The following UNC5D variants were observed in gnomAD, a reference collection of about 807,000 sequenced individuals.
UNC5D encodes the protein netrin receptor UNC5D.
UNC5D carries 39 observed loss-of-function variants against 105.4 expected under a neutral mutation model. That is an observed-to-expected ratio of 0.37 (90% confidence interval 0.29 to 0.48). The LOEUF is 0.48. UNC5D is among the 20% of genes least tolerant of loss of function. UNC5D has a pLI of 0.98. For synonymous variants in UNC5D, 452 were observed against 450.4 expected (o/e 1.00, Z -0.04); for missense variants, 991 against 1,202.4 (o/e 0.82, Z 2.60).
chr8:35,402,052 G>A (rs532878120), intron 1 of UNC5D, among the ~76,000 whole-genome samples: 12 of 152,264 alleles, frequency 7.9e-5, no homozygotes, highest in South Asian at 6.2e-4. Context: ...TTTCTGCTCC[G>A]TGTGGATCAC....
intron 1 of UNC5D, among the ~76,000 whole-genome samples, chr8:35,268,145 G>A (rs1029612220): frequency 1.3e-5 from 2 of 152,000 alleles, no homozygotes; most frequent in East Asian, 1.9e-4. Context: ...TATTATAAAT[G>A]TACTTTAATG....
intron 1 of UNC5D, among the ~76,000 whole-genome samples, chr8:35,324,658 C>T (rs1330365708): frequency 6.6e-6 from 1 of 152,062 alleles, no homozygotes; most frequent in Admixed American, 6.6e-5. Context: ...CAAGTAAAAT[C>T]TCAAAACTAA....
At chr8:35,474,540 C>G (rs1019492036) in intron 1 of UNC5D, among the ~76,000 whole-genome samples, 9 of 152,126 alleles carry the variant, frequency 5.9e-5, no homozygotes, top group African/African-American at 1.9e-4. Flanking sequence ...AGTTTGAACA[C>G]TTTAAATATT....
At chr8:35,291,225 A>C (rs1444061201) in intron 1 of UNC5D, among the ~76,000 whole-genome samples, 1 of 152,184 alleles carries the variant, frequency 6.6e-6, no homozygotes, top group African/African-American at 2.4e-5. Flanking sequence ...ACTAGTAAGG[A>C]AACAAACTGA....
At chr8:35,488,167 C>T (rs954733142) in intron 1 of UNC5D, among the ~76,000 whole-genome samples, 4 of 152,072 alleles carry the variant, frequency 2.6e-5, no homozygotes, top group African/African-American at 7.2e-5. Flanking sequence ...GCTGAGCAAC[C>T]GTTTGCTAAA....
At chr8:35,422,372 T>G (rs1805971308) in intron 1 of UNC5D, among the ~76,000 whole-genome samples, 1 of 152,206 alleles carries the variant, frequency 6.6e-6, no homozygotes, top group African/African-American at 2.4e-5. Context: ...GCCAAGTACA[T>G]TTGAATCAAT....
chr8:35,262,340 G>A (rs905806131), intron 1 of UNC5D, among the ~76,000 whole-genome samples: 17 of 152,248 alleles, frequency 1.1e-4, no homozygotes, highest in South Asian at 4.1e-4. Context: ...ATGGTCGGCC[G>A]AATAGATATT....
intron 1 of UNC5D, among the ~76,000 whole-genome samples, chr8:35,489,781 C>T (rs1811080048): frequency 1.3e-5 from 2 of 152,180 alleles, no homozygotes; most frequent in Admixed American, 1.3e-4. Context: ...TTCTACAAAA[C>T]ATGTAGCTTT....
intron 1 of UNC5D, among the ~76,000 whole-genome samples, chr8:35,446,718 C>T (rs563828532): frequency 6.6e-6 from 1 of 152,058 alleles, no homozygotes; most frequent in East Asian, 1.9e-4. Flanking sequence ...CAGTTAATTG[C>T]CCTTGGGTCT....
intron 4 of UNC5D, among the ~76,000 whole-genome samples, chr8:35,625,430 C>T (rs1299378797): frequency 6.6e-6 from 1 of 152,132 alleles, no homozygotes; most frequent in Non-Finnish European, 1.5e-5. Flanking sequence ...ATTGCAAACA[C>T]ATCAACAAAA....
chr8:35,526,091 T>C (rs1712934895), intron 1 of UNC5D, among the ~76,000 whole-genome samples: 1 of 152,238 alleles, frequency 6.6e-6, no homozygotes, highest in Non-Finnish European at 1.5e-5. Context: ...AACATGATTC[T>C]GTTCTAGTAG....
intron 1 of UNC5D, among the ~76,000 whole-genome samples, chr8:35,285,344 G>C (rs1806515690): frequency 6.6e-6 from 1 of 152,170 alleles, no homozygotes; most frequent in African/African-American, 2.4e-5. Flanking sequence ...ATTCATGCTA[G>C]GACATTCTGT....
At chr8:35,364,054 C>G (rs889548931) in intron 1 of UNC5D, among the ~76,000 whole-genome samples, 6 of 152,036 alleles carry the variant, frequency 3.9e-5, no homozygotes, top group Non-Finnish European at 5.9e-5. Flanking sequence ...CGTCTCAGGC[C>G]TCCAAGTAGC....
chr8:35,699,981 T>C (rs1037129377), intron 7 of UNC5D, among the ~76,000 whole-genome samples: 1 of 152,256 alleles, frequency 6.6e-6, no homozygotes, highest in East Asian at 1.9e-4. Context: ...GCATGTTCTA[T>C]GACCTAAATG....
intron 11 of UNC5D, among the ~76,000 whole-genome samples, chr8:35,742,873 G>A (rs1353344822): frequency 6.6e-6 from 1 of 152,110 alleles, no homozygotes; most frequent in Non-Finnish European, 1.5e-5. Flanking sequence ...GGTAAGGTCT[G>A]GACCATCACC....
intron 1 of UNC5D, among the ~76,000 whole-genome samples, chr8:35,253,109 TGTGTGTGTGTGTGC>T (rs964921697): frequency 2.7e-4 from 41 of 152,174 alleles, no homozygotes; most frequent in Middle Eastern, 3.4e-3. Flanking sequence ...CTAGTCTGTG[TGTGTGTGTGTGTGC>T]GTGTGTGTGT....
chr8:35,512,491 T>TATATATAGATATATAG (rs1812791769), intron 1 of UNC5D, among the ~76,000 whole-genome samples: 1 of 115,708 alleles, frequency 8.6e-6, no homozygotes, highest in Non-Finnish European at 1.8e-5. Context: ...TATATATATA[T>TATATATAGATATATAG]ATATATATAT....
intron 4 of UNC5D, among the ~76,000 whole-genome samples, chr8:35,683,199 A>G (rs1825784913): frequency 1.3e-5 from 2 of 152,204 alleles, no homozygotes; most frequent in Non-Finnish European, 2.9e-5. Flanking sequence ...CTTTGGACCA[A>G]TTATTGAAAT....
At chr8:35,236,633 C>T (rs1257388689) in intron 1 of UNC5D, among the ~76,000 whole-genome samples, 2 of 152,158 alleles carry the variant, frequency 1.3e-5, no homozygotes, top group African/African-American at 2.4e-5. Context: ...GAAGCCTAGA[C>T]CCCATTTTCT....
Sources: gnomAD v4.1 joint callset for allele counts (sites outside exome capture counted in the v4.1 genomes callset) on GRCh38, gnomAD v4.1.1 for gene constraint, MANE v1.5 for transcripts, NCBI Gene and HGNC (gene_info 2026-07-23, HGNC 2026-07-21) for gene names.